The following ZCCHC10 variants were observed in gnomAD, a reference collection of about 807,000 sequenced individuals.
ZCCHC10 encodes zinc finger CCHC-type containing 10.
ZCCHC10 carries 16 observed loss-of-function variants against 19.5 expected under a neutral mutation model. The ratio of observed to expected loss-of-function variants is 0.82; its 90% CI spans 0.56 to 1.25. ZCCHC10 has a LOEUF of 1.25. Among genes scored for constraint, ZCCHC10 ranks in the 50% most tolerant of loss-of-function variants. The probability of loss-of-function intolerance (pLI) is 0.00; values close to 1 mark genes in which losing one functional copy is unlikely to be tolerated. For synonymous variants in ZCCHC10, 67 were observed against 72.5 expected, an observed-to-expected ratio of 0.92 and a Z score of 0.38; for missense variants, 197 against 201.0, an observed-to-expected ratio of 0.98 and a Z score of 0.12.
chr5:133,009,938 C>A (rs1258557660), intron 2 of ZCCHC10, among the ~76,000 whole-genome samples: 1 of 151,840 alleles, frequency 6.6e-6, no homozygotes, highest in East Asian at 1.9e-4. Flanking sequence ...CCTGTCATTT[C>A]TTATCGATAA....
At chr5:133,001,586 G>A (rs1389051953) in intron 3 of ZCCHC10, among the ~76,000 whole-genome samples, 1 of 151,712 alleles carries the variant, frequency 6.6e-6, no homozygotes, top group African/African-American at 2.4e-5. Flanking sequence ...CTCAACCTCT[G>A]GAGTAGCTGG....
intron 1 of ZCCHC10, among the ~76,000 whole-genome samples, chr5:133,024,653 G>C (rs1764547936): frequency 6.6e-6 from 1 of 152,168 alleles, no homozygotes; most frequent in Admixed American, 6.5e-5. Context: ...TGTAATCCCA[G>C]TACTTTGGGA....
intron 2 of ZCCHC10, among the ~76,000 whole-genome samples, chr5:133,009,024 A>T (rs1431216452): frequency 4.7e-5 from 7 of 148,548 alleles, no homozygotes; most frequent in Admixed American, 6.7e-5. Context: ...TTTTTTTTTT[A>T]AAGATGAAGT....
intron 4 of ZCCHC10, among the ~76,000 whole-genome samples, chr5:132,999,062 C>T (rs139471402): frequency 8.6e-5 from 13 of 151,898 alleles, no homozygotes; most frequent in African/African-American, 2.4e-4. Context: ...ATTACAGGTG[C>T]GCACACCGAC....
chr5:133,020,087 T>C (rs1003271984), intron 2 of ZCCHC10, among the ~76,000 whole-genome samples: 48 of 152,034 alleles, frequency 3.2e-4, no homozygotes, highest in African/African-American at 1.1e-3. Context: ...TCCCAGCACT[T>C]TGGGAAACAG....
rs1055355534 is a variant in ZCCHC10 at position 132,997,931 on chromosome 5, C to T, written c.*652G>A. On this transcript the variant is annotated 3_prime_UTR_variant, in exon 5 of 5. Coordinates refer to ENST00000509437, the MANE Select transcript of ZCCHC10 (RefSeq NM_001300816.3). ...AATTTTTTTGTCCCTTTTTAGGTTCCTCTAGAATAATTTTCCTCAGAAAAG... is the reference window on the plus strand; with the variant it reads ...AATTTTTTTGTCCCTTTTTAGGTTCTTCTAGAATAATTTTCCTCAGAAAAG... 6.6e-6 allele frequency: 1 copy of T among 152,052 alleles called. No individual in the cohort carries two copies. Among genetic ancestry groups the T allele is most frequent in the Non-Finnish European group, 1.5e-5 (1 of 68,018 alleles). The allele number at this position is 152,052 out of a possible 1,614,324, so 9.4% of individuals were successfully genotyped here.
chr5:133,011,756 A>G (rs1763551502), intron 2 of ZCCHC10, among the ~76,000 whole-genome samples: 1 of 152,054 alleles, frequency 6.6e-6, no homozygotes, highest in African/African-American at 2.4e-5. Flanking sequence ...GTTCTCCCCA[A>G]ATTCCTGTAT....
At position 132,998,552 on chromosome 5, in the gene ZCCHC10, A is replaced by C. The variant is rs532754610; in HGVS notation, c.*31T>G. On this transcript the variant is annotated 3_prime_UTR_variant, in exon 5 of 5. Transcript: ENST00000509437. ...TTTCAAGAATCACATCAATGTTTTC[A>C]GTCCATCAGTCCAATATGAATGGAG... 6.3e-7 allele frequency: 1 copy of C among 1,579,978 alleles called. No individual in the cohort carries two copies. The highest frequency in any genetic ancestry group is 1.7e-5 in the Admixed American group (1 of 58,596).
At chr5:133,021,337 C>A (rs1764298375) in intron 2 of ZCCHC10, among the ~76,000 whole-genome samples, 1 of 152,142 alleles carries the variant, frequency 6.6e-6, no homozygotes, top group Non-Finnish European at 1.5e-5. Flanking sequence ...CCTTTTGAAA[C>A]TAAAATTTTT....
intron 3 of ZCCHC10, among the ~76,000 whole-genome samples, chr5:133,005,466 T>C (rs1291729119): frequency 6.6e-6 from 1 of 151,858 alleles, no homozygotes; most frequent in Non-Finnish European, 1.5e-5. Flanking sequence ...TACAAAAAAT[T>C]AGCCAGGCGT....
At chr5:133,016,811 T>C (rs142948094) in intron 2 of ZCCHC10, among the ~76,000 whole-genome samples, 29 of 152,252 alleles carry the variant, frequency 1.9e-4, no homozygotes, top group African/African-American at 6.5e-4. Context: ...AGATTACTTA[T>C]TTGGTCAATT....
chr5:133,016,875 C>A (rs920855501), intron 2 of ZCCHC10, among the ~76,000 whole-genome samples: 3 of 151,862 alleles, frequency 2.0e-5, no homozygotes, highest in African/African-American at 7.3e-5. Context: ...TCCCCCATAT[C>A]CTCTTAACTT....
chr5:133,022,458 T>C (rs1003447510), intron 2 of ZCCHC10, among the ~76,000 whole-genome samples: 12 of 129,256 alleles, frequency 9.3e-5, no homozygotes, highest in African/African-American at 3.9e-4. Flanking sequence ...ATTGTTCAAC[T>C]TTTTTTTTTT....
intron 2 of ZCCHC10, among the ~76,000 whole-genome samples, chr5:133,018,299 C>T (rs904125767): frequency 6.6e-6 from 1 of 151,640 alleles, no homozygotes; most frequent in African/African-American, 2.4e-5. Flanking sequence ...TGATCTTCAG[C>T]AAGCTGATTT....
intron 2 of ZCCHC10, among the ~76,000 whole-genome samples, chr5:133,020,474 A>G (rs1764228982): frequency 6.6e-6 from 1 of 151,748 alleles, no homozygotes; most frequent in Non-Finnish European, 1.5e-5. Context: ...ATAAAATAAA[A>G]TTGCTGAATG....
At chr5:133,025,527 A>AG (rs1764638232) in intron 1 of ZCCHC10, among the ~76,000 whole-genome samples, 1 of 136,230 alleles carries the variant, frequency 7.3e-6, no homozygotes, top group Admixed American at 7.1e-5. Context: ...AAAAAAAAAA[A>AG]AAAAAAGAAA....
intron 2 of ZCCHC10, among the ~76,000 whole-genome samples, chr5:133,021,662 G>C (rs1022145438): frequency 6.6e-6 from 1 of 152,086 alleles, no homozygotes; most frequent in African/African-American, 2.4e-5. Flanking sequence ...GTGGATTCAA[G>C]ACTTATTATG....
intron 2 of ZCCHC10, among the ~76,000 whole-genome samples, chr5:133,007,828 G>C (rs1429340312): frequency 6.6e-6 from 1 of 152,120 alleles, no homozygotes; most frequent in Admixed American, 6.6e-5. Context: ...TCAAATCTTG[G>C]CTCCTCAATT....
intron 1 of ZCCHC10, among the ~76,000 whole-genome samples, chr5:133,025,524 A>AAAG (rs1764634947): frequency 1.3e-5 from 2 of 148,608 alleles, no homozygotes; most frequent in Non-Finnish European, 3.0e-5. Context: ...AAAAAAAAAA[A>AAAG]AAAAAAAAAG....
Sources: allele counts gnomAD v4.1 joint callset (sites outside exome capture counted in the v4.1 genomes callset), GRCh38; gene constraint gnomAD v4.1.1; transcripts MANE v1.5; gene names NCBI Gene and HGNC (gene_info 2026-07-23, HGNC 2026-07-21).